The following HS6ST3 variants were observed in gnomAD, a reference collection of about 807,000 sequenced individuals.
HS6ST3 encodes the protein heparan sulfate 6-O-sulfotransferase 3.
In HS6ST3, 12 loss-of-function variants were observed where a neutral mutation model predicts 36.7. The ratio of observed to expected loss-of-function variants is 0.33; its 90% CI spans 0.21 to 0.53. The LOEUF is 0.53. Among genes scored for constraint, HS6ST3 ranks in the 20% least tolerant of loss-of-function variants. The probability of loss-of-function intolerance (pLI) is 0.95; values close to 1 mark genes in which losing one functional copy is unlikely to be tolerated. For missense variants in HS6ST3, 584 were observed against 640.9 expected, an observed-to-expected ratio of 0.91 and a Z score of 0.96; for synonymous variants, 240 against 257.5, an observed-to-expected ratio of 0.93 and a Z score of 0.65.
chr13:96,164,979 A>T (rs932467361), intron 1 of HS6ST3, among the ~76,000 whole-genome samples: 1 of 152,186 alleles, frequency 6.6e-6, no homozygotes, highest in Non-Finnish European at 1.5e-5. Context: ...AGATAGTTAA[A>T]ACCCATTTTA....
intron 1 of HS6ST3, among the ~76,000 whole-genome samples, chr13:96,264,190 G>A (rs2054679951): frequency 6.6e-6 from 1 of 152,096 alleles, no homozygotes; most frequent in Non-Finnish European, 1.5e-5. Context: ...AGCAAAGAAT[G>A]CTGCGAATGC....
chr13:96,090,834 G>T lies in HS6ST3; in HGVS notation c.-29G>T. 6.8e-7 allele frequency: 1 copy of T among 1,465,286 alleles called. No individual in the cohort carries two copies. Among genetic ancestry groups the T allele is most frequent in the Non-Finnish European group, 9.1e-7 (1 of 1,102,998 alleles). 90.8% of individuals were successfully genotyped at this position (1,465,286 alleles called of 1,614,324 possible). ...CCGCCCTGCCGCCGCCGCCGCCGCC[G>T]CTTCGCCTGCCGGCCTGAGAGCGGG... On this transcript the variant is annotated 5_prime_UTR_variant, in exon 1 of 2. Coordinates refer to ENST00000376705, the MANE Select transcript of HS6ST3 (RefSeq NM_153456.4).
At chr13:96,494,083 C>T (rs544520112) in intron 1 of HS6ST3, among the ~76,000 whole-genome samples, 3 of 152,130 alleles carry the variant, frequency 2.0e-5, no homozygotes, top group Middle Eastern at 3.4e-3. Flanking sequence ...ATTACAGATG[C>T]GTAGAACCAC....
chr13:96,490,853 T>A (rs1017760224), intron 1 of HS6ST3, among the ~76,000 whole-genome samples: 2 of 152,212 alleles, frequency 1.3e-5, no homozygotes, highest in African/African-American at 4.8e-5. Flanking sequence ...CTGCTTCACA[T>A]CTTAGAGCAT....
At chr13:96,631,956 G>T (rs1163102230) in intron 1 of HS6ST3, among the ~76,000 whole-genome samples, 1 of 152,168 alleles carries the variant, frequency 6.6e-6, no homozygotes, top group Non-Finnish European at 1.5e-5. Flanking sequence ...GGGTGATTGG[G>T]CTCTTCCGTT....
chr13:96,525,363 C>T (rs1366996308), intron 1 of HS6ST3, among the ~76,000 whole-genome samples: 1 of 152,108 alleles, frequency 6.6e-6, no homozygotes, highest in Non-Finnish European at 1.5e-5. Flanking sequence ...TTTCTATAGC[C>T]ACCCATTTCC....
intron 1 of HS6ST3, among the ~76,000 whole-genome samples, chr13:96,274,570 TTCCTC>T (rs966467888): frequency 6.6e-5 from 10 of 152,248 alleles, no homozygotes; most frequent in African/African-American, 2.4e-4. Flanking sequence ...ATAACATTCT[TTCCTC>T]TATATTTTCT....
chr13:96,719,686 C>T (rs1172307504), intron 1 of HS6ST3, among the ~76,000 whole-genome samples: 1 of 152,096 alleles, frequency 6.6e-6, no homozygotes, highest in Non-Finnish European at 1.5e-5. Flanking sequence ...GATGTCTTTC[C>T]ACAGGTTTAT....
At chr13:96,716,936 C>T (rs1307721390) in intron 1 of HS6ST3, among the ~76,000 whole-genome samples, 2 of 152,188 alleles carry the variant, frequency 1.3e-5, no homozygotes, top group African/African-American at 4.8e-5. Flanking sequence ...AATGAAGTAA[C>T]ACCAGGCTGT....
intron 1 of HS6ST3, among the ~76,000 whole-genome samples, chr13:96,547,849 T>C (rs1049097770): frequency 6.6e-6 from 1 of 152,114 alleles, no homozygotes; most frequent in Non-Finnish European, 1.5e-5. Flanking sequence ...GACTTAACAG[T>C]ACATGGGGTG....
intron 1 of HS6ST3, among the ~76,000 whole-genome samples, chr13:96,663,038 G>A (rs2056651906): frequency 6.6e-6 from 1 of 152,132 alleles, no homozygotes; most frequent in South Asian, 2.1e-4. Context: ...TTAGCTGGGA[G>A]AGGGGACAAA....
intron 1 of HS6ST3, among the ~76,000 whole-genome samples, chr13:96,421,752 A>G (rs1363046125): frequency 6.6e-6 from 1 of 152,160 alleles, no homozygotes; most frequent in Non-Finnish European, 1.5e-5. Context: ...TATTTTGAAA[A>G]CGACTCTGGT....
chr13:96,454,280 C>G (rs113335393), intron 1 of HS6ST3, among the ~76,000 whole-genome samples: 13 of 152,052 alleles, frequency 8.5e-5, no homozygotes, highest in Admixed American at 7.9e-4. Flanking sequence ...TGTGCTGATG[C>G]GGACCAGCCA....
intron 1 of HS6ST3, among the ~76,000 whole-genome samples, chr13:96,356,993 C>A (rs969474641): frequency 6.6e-6 from 1 of 152,190 alleles, no homozygotes; most frequent in Non-Finnish European, 1.5e-5. Context: ...TCACCTTGAA[C>A]TTTTATGTTA....
At chr13:96,441,746 G>A (rs1460209961) in intron 1 of HS6ST3, among the ~76,000 whole-genome samples, 11 of 152,032 alleles carry the variant, frequency 7.2e-5, no homozygotes, top group Non-Finnish European at 1.6e-4. Context: ...TATTACTATT[G>A]ATATACAAAA....
intron 1 of HS6ST3, among the ~76,000 whole-genome samples, chr13:96,237,083 C>T (rs763133217): frequency 6.6e-6 from 1 of 152,136 alleles, no homozygotes; most frequent in Non-Finnish European, 1.5e-5. Context: ...TGAGAAGTTG[C>T]TCAGGAGAAT....
intron 1 of HS6ST3, among the ~76,000 whole-genome samples, chr13:96,606,796 A>C (rs1375729907): frequency 6.6e-6 from 1 of 152,166 alleles, no homozygotes; most frequent in South Asian, 2.1e-4. Flanking sequence ...AAAAAGAAAG[A>C]ACAGAAATAA....
At chr13:96,536,024 A>G (rs1284305351) in intron 1 of HS6ST3, among the ~76,000 whole-genome samples, 2 of 152,218 alleles carry the variant, frequency 1.3e-5, no homozygotes, top group Non-Finnish European at 2.9e-5. Context: ...ATCAAATGCC[A>G]ATTTAAAAAC....
At chr13:96,215,480 G>A (rs891840245) in intron 1 of HS6ST3, among the ~76,000 whole-genome samples, 1 of 152,100 alleles carries the variant, frequency 6.6e-6, no homozygotes, top group African/African-American at 2.4e-5. Flanking sequence ...ATTATTTCTT[G>A]GTGATATAAA....
Sources: gnomAD v4.1 joint callset for allele counts (sites outside exome capture counted in the v4.1 genomes callset) on GRCh38, gnomAD v4.1.1 for gene constraint, MANE v1.5 for transcripts, NCBI Gene and HGNC (gene_info 2026-07-23, HGNC 2026-07-21) for gene names.